The following LARP4 variants were observed in gnomAD, a reference collection of about 807,000 sequenced individuals.
LARP4 encodes la-related protein 4.
LARP4 carries 29 observed loss-of-function variants against 92.9 expected under a neutral mutation model. The ratio of observed to expected loss-of-function variants is 0.31; its 90% CI spans 0.23 to 0.43. The LOEUF (loss-of-function observed/expected upper bound fraction) is 0.43. LARP4 is among the 20% of genes least tolerant of loss of function. LARP4 has a pLI of 1.00. For synonymous variants in LARP4, 279 were observed against 284.1 expected (o/e 0.98, Z 0.18); for missense variants, 732 against 860.0 (o/e 0.85, Z 1.86).
chr12:50,454,525 TTTTG>T (rs1953867781), intron 10 of LARP4, 108 bp downstream of exon 10: 3 of 779,154 alleles, frequency 3.9e-6, no homozygotes, highest in Non-Finnish European at 4.0e-6. Flanking sequence ...TTGGTGGATT[TTTTG>T]TTTGTTTTGT....
At chr12:50,461,792 A>C (rs1220660316) in intron 11 of LARP4, among the ~76,000 whole-genome samples, 1 of 151,960 alleles carries the variant, frequency 6.6e-6, no homozygotes, top group African/African-American at 2.4e-5. Context: ...CCCTGTCTCT[A>C]TGAAAAAATA....
chr12:50,457,912 A>G (rs538765573), intron 10 of LARP4, among the ~76,000 whole-genome samples: 6 of 150,780 alleles, frequency 4.0e-5, no homozygotes, highest in Non-Finnish European at 8.9e-5. Context: ...GCAAAGTGTC[A>G]CTTTATGTGA....
chr12:50,473,902 T>G (rs1957245710), intron 14 of LARP4, 97 bp from the exon 15 acceptor site: 2 of 994,700 alleles, frequency 2.0e-6, no homozygotes, highest in East Asian at 2.5e-5. Flanking sequence ...AGAGTGAGAC[T>G]CCGTCTCAAA....
At chr12:50,455,616 G>C (rs1954080141) in intron 10 of LARP4, among the ~76,000 whole-genome samples, 1 of 152,040 alleles carries the variant, frequency 6.6e-6, no homozygotes, top group Non-Finnish European at 1.5e-5. Context: ...TTTTTTGACA[G>C]GTTTTTCTGA....
At chr12:50,454,189 T>C in intron 9 of LARP4, 125 bp from the exon 10 acceptor site, 1 of 626,002 alleles carries the variant, frequency 1.6e-6, no homozygotes, top group South Asian at 2.2e-5. Context: ...AATGAATCAG[T>C]AAAATATTTT....
At chr12:50,470,209 G>A (rs1276747254) in intron 13 of LARP4, among the ~76,000 whole-genome samples, 1 of 93,454 alleles carries the variant, frequency 1.1e-5, no homozygotes, top group Non-Finnish European at 2.1e-5. Context: ...GGGTGACAGA[G>A]CAACCTGTCT....
At position 50,476,718 on chromosome 12, in the gene LARP4, T is replaced by C. The variant is rs943338869; in HGVS notation, c.*854T>C. 1 of 152,564 alleles carries C rather than the reference T, an allele frequency of 6.6e-6. No individual in the cohort carries two copies. The highest frequency in any genetic ancestry group is 1.5e-5 in the Non-Finnish European group (1 of 68,016). 9.5% of individuals were successfully genotyped at this position (152,564 alleles called of 1,614,324 possible). On this transcript the variant is annotated 3_prime_UTR_variant, in exon 16 of 16. Coordinates refer to ENST00000398473, the MANE Select transcript of LARP4 (RefSeq NM_052879.5). ...ATACCCCCAAAATGAGAAACAAAAT[T>C]TTTTTTCTTACTCCATTTGTTACTC...
chr12:50,445,291 T>C (rs980002011), intron 8 of LARP4, among the ~76,000 whole-genome samples: 3 of 152,206 alleles, frequency 2.0e-5, no homozygotes, highest in African/African-American at 7.2e-5. Context: ...TTCTGGACTC[T>C]TGTTTCTGAT....
At chr12:50,433,690 A>G (rs1189318199) in intron 4 of LARP4, among the ~76,000 whole-genome samples, 1 of 147,820 alleles carries the variant, frequency 6.8e-6, no homozygotes, top group Non-Finnish European at 1.5e-5. Flanking sequence ...CGTAGGCTGG[A>G]GTGCAGTGGC....
In LARP4 at chr12:50,454,399, G is replaced by C. The variant is rs749060996; in HGVS notation, c.1103G>C (p.Arg368Pro). 1.2e-6 allele frequency: 2 copies of C among 1,611,156 alleles called. No homozygotes were observed. Among genetic ancestry groups the C allele is most frequent in the Non-Finnish European group, 1.7e-6 (2 of 1,178,830 alleles). The change falls in exon 10 of 16, where the codon CGA becomes CCA. Residue 368 changes from arginine to proline, a missense_variant. Transcript: ENST00000398473. ...KTNAAAMNMGRPFQKNRVKPQ... is the reference protein window; with the variant it reads ...KTNAAAMNMGPPFQKNRVKPQ... ...AATGCTGCTGCTATGAATATGGGTC[G>C]ACCATTCCAAAAAAATCGGTAAGAT... is the stretch of plus-strand genomic sequence containing the variant.
chr12:50,403,657 GGA>G (rs1434264112), intron 1 of LARP4, among the ~76,000 whole-genome samples: 1 of 152,160 alleles, frequency 6.6e-6, no homozygotes, highest in East Asian at 1.9e-4. Context: ...ACTTGCTTGT[GGA>G]TCATCTTTGG....
chr12:50,470,816 A>G (rs1303585127), intron 13 of LARP4, among the ~76,000 whole-genome samples: 1 of 152,136 alleles, frequency 6.6e-6, no homozygotes, highest in Non-Finnish European at 1.5e-5. Context: ...ATTTATAGTC[A>G]TTCTGCCCCA....
intron 8 of LARP4, among the ~76,000 whole-genome samples, chr12:50,447,902 G>A (rs530589938): frequency 1.6e-4 from 24 of 151,442 alleles, no homozygotes; most frequent in Middle Eastern, 3.4e-3. Flanking sequence ...GAGTCTTGCC[G>A]TGTTGCCCAG....
chr12:50,436,051 C>CTGTGTG (rs57676021), intron 5 of LARP4, among the ~76,000 whole-genome samples: 62 of 137,768 alleles, frequency 4.5e-4, no homozygotes, highest in African/African-American at 1.7e-3. Context: ...TTTACTGACT[C>CTGTGTG]TGTGTGTGTG....
Position 50,428,951 on chromosome 12 carries a change from A to G in LARP4, c.183A>G (p.Ser61=). ...GAHPEGNAEL[S]EDICKEYEVM... is the part of the protein sequence containing the mutation. The stretch of plus-strand genomic sequence containing the variant: ...TTAATACAGGTAATGCAGAGCTCTC[A>G]GAAGATATATGTAAAGAATATGAAG... The change falls in exon 3 of 16, where the codon TCA becomes TCG. Residue 61 remains serine (S), a synonymous_variant. Transcript: ENST00000398473. 5 of 1,596,054 alleles carry G rather than the reference A, an allele frequency of 3.1e-6. No homozygotes were observed. The highest frequency in any genetic ancestry group is 3.5e-5 in the Admixed American group (2 of 57,694).
chr12:50,434,822 A>G (rs1950182317), intron 4 of LARP4, among the ~76,000 whole-genome samples: 1 of 152,018 alleles, frequency 6.6e-6, no homozygotes, highest in South Asian at 2.1e-4. Context: ...AGGCGGATGG[A>G]TCACGAGGTC....
Position 50,464,485 on chromosome 12 carries a change from G to A in LARP4, c.1383+1855G>A, listed in dbSNP as rs185091901. The stretch of plus-strand genomic sequence containing the variant: ...CAGCTCACTGCAACCTCTGACTCCC[G>A]GGTTCAAGCAGTTCTCCTGCCTCAG... On this transcript the variant is annotated intron_variant, in intron 12 of 15. Coordinates refer to ENST00000398473, the MANE Select transcript of LARP4 (RefSeq NM_052879.5). Among the ~76,000 whole-genome samples, 18 of 152,314 alleles carry A rather than the reference G, an allele frequency of 1.2e-4. 1 individual carries two copies. The highest frequency in any genetic ancestry group is 4.6e-4 in the Admixed American group (7 of 15,304).
chr12:50,424,592 A>G (rs1948435051), intron 1 of LARP4, among the ~76,000 whole-genome samples: 1 of 151,878 alleles, frequency 6.6e-6, no homozygotes, highest in African/African-American at 2.4e-5. Flanking sequence ...TCCCGACCTC[A>G]GGTGATCCAC....
intron 13 of LARP4, among the ~76,000 whole-genome samples, chr12:50,470,634 A>T (rs907916760): frequency 2.0e-5 from 3 of 152,144 alleles, no homozygotes; most frequent in African/African-American, 7.2e-5. Flanking sequence ...GGGTTTCACC[A>T]TGTTAGCCAG....
Sources: gnomAD v4.1 joint callset for allele counts (sites outside exome capture counted in the v4.1 genomes callset) on GRCh38, gnomAD v4.1.1 for gene constraint, MANE v1.5 for transcripts, NCBI Gene and HGNC (gene_info 2026-07-23, HGNC 2026-07-21) for gene names.